Variants in PRKCI observed in about 807,000 individuals in gnomAD.
PRKCI encodes the protein protein kinase C iota.
PRKCI carries 43 observed loss-of-function variants against 84.0 expected under a neutral mutation model. The ratio of observed to expected loss-of-function variants is 0.51; its 90% CI spans 0.40 to 0.66. The LOEUF (loss-of-function observed/expected upper bound fraction) is 0.66. PRKCI is among the 30% of genes least tolerant of loss of function. The pLI is 0.00. For missense variants in PRKCI, 459 were observed against 745.6 expected, an observed-to-expected ratio of 0.62 and a Z score of 4.48; for synonymous variants, 216 against 234.4, an observed-to-expected ratio of 0.92 and a Z score of 0.72.
At chr3:170,235,520 C>CT (rs996654042) in intron 2 of PRKCI, among the ~76,000 whole-genome samples, 169 bp downstream of exon 2, 2 of 147,384 alleles carry the variant, frequency 1.4e-5, no homozygotes, top group Non-Finnish European at 3.0e-5. Flanking sequence ...AGAGCACAAT[C>CT]TTTTTTTTGC....
In PRKCI at chr3:170,263,444, A is replaced by G; in HGVS notation, c.364+15A>G. ...AGGAGAAGATAGTGAGTGTTTATATACTTCATACCTTTTACAAGAGTTACT... is the reference window on the plus strand; with the variant it reads ...AGGAGAAGATAGTGAGTGTTTATATGCTTCATACCTTTTACAAGAGTTACT... On this transcript the variant is annotated intron_variant, in intron 4 of 17. Transcript: ENST00000295797. 6.4e-7 allele frequency: 1 copy of G among 1,563,756 alleles called. No homozygotes were observed. The highest frequency in any genetic ancestry group is 8.8e-7 in the Non-Finnish European group (1 of 1,135,516).
Position 170,280,344 on chromosome 3 carries a change from A to G in PRKCI, c.823A>G (p.Lys275Glu). 6.2e-7 allele frequency: 1 copy of G among 1,614,126 alleles called. No individual in the cohort carries two copies. Among genetic ancestry groups the G allele is most frequent in the Non-Finnish European group, 8.5e-7 (1 of 1,179,978 alleles). Reference sequence around the variant, plus strand: ...CAAAGTACTGTTGGTTCGATTAAAAAAAACAGATCGTATTTATGCAATGAA... The same window carrying G: ...CAAAGTACTGTTGGTTCGATTAAAAGAAACAGATCGTATTTATGCAATGAA... ...YAKVLLVRLK[K>E]TDRIYAMKVV... is the part of the protein sequence containing the mutation. Residue 275 changes from lysine to glutamate, a missense_variant, in exon 9 of 18, where the codon AAA (lysine) becomes GAA (glutamate). This residue lies in a region of PRKCI where 209 missense variants were observed against 425.9 expected (regional missense o/e 0.49). Transcript: ENST00000295797.
chr3:170,227,367 T>C (rs1342112003), intron 1 of PRKCI, among the ~76,000 whole-genome samples: 1 of 152,202 alleles, frequency 6.6e-6, no homozygotes, highest in South Asian at 2.1e-4. Context: ...GCTCTGCCTT[T>C]AAGGAATTAA....
intron 17 of PRKCI, 149 bp downstream of exon 17, chr3:170,299,259 C>T (rs1734764572): frequency 2.5e-6 from 1 of 399,840 alleles, no homozygotes; most frequent in Admixed American, 4.4e-5. Context: ...TGGAGTCTCG[C>T]TCTGTTGCCC....
chr3:170,285,997 T>G (rs550624482), intron 12 of PRKCI, among the ~76,000 whole-genome samples: 43 of 151,826 alleles, frequency 2.8e-4, no homozygotes, highest in Admixed American at 5.9e-4. Context: ...CAATCTCGGC[T>G]CACTGCAACC....
intron 16 of PRKCI, among the ~76,000 whole-genome samples, chr3:170,298,554 T>C (rs57687801): frequency 0.084 from 12,814 of 151,874 alleles, 1,148 homozygotes; most frequent in African/African-American, 0.22. Context: ...TACAGGTGTG[T>C]GCCACCACAC....
At chr3:170,247,730 C>CAAAAAAAAAAAAAA (rs72411481) in intron 2 of PRKCI, among the ~76,000 whole-genome samples, 1 of 27,906 alleles carries the variant, frequency 3.6e-5, no homozygotes, top group African/African-American at 1.4e-4. Flanking sequence ...AACTCTGTCT[C>CAAAAAAAAAAAAAA]AAAAAAAAAA....
chr3:170,249,352 T>C (rs920735632), intron 2 of PRKCI, among the ~76,000 whole-genome samples: 2 of 152,030 alleles, frequency 1.3e-5, no homozygotes, highest in African/African-American at 4.8e-5. Context: ...GCCAGGATGC[T>C]TATAAAACAC....
rs1185983927 is a variant in PRKCI, at chr3:170,303,404, G to GT, written c.*280dup. ...GATGAGTAATGAAGTTATCTTTTTT[G>GT]TTTAAAAAAAAAAAAAACACTGCAT... On this transcript the variant is annotated 3_prime_UTR_variant, in exon 18 of 18. Coordinates refer to ENST00000295797, the MANE Select transcript of PRKCI (RefSeq NM_002740.6). 12 of 211,884 alleles carry GT rather than the reference G, an allele frequency of 5.7e-5. No individual in the cohort carries two copies. Among genetic ancestry groups the GT allele is most frequent in the African/African-American group, 2.8e-4 (8 of 28,422 alleles). 13.1% of individuals were successfully genotyped at this position (211,884 alleles called of 1,614,324 possible). A position where few individuals can be genotyped will look rare whatever the true frequency, so the allele number is the denominator to read the frequency against.
At chr3:170,252,687 C>T (rs575376594) in intron 2 of PRKCI, among the ~76,000 whole-genome samples, 2 of 151,982 alleles carry the variant, frequency 1.3e-5, no homozygotes, top group Admixed American at 1.3e-4. Context: ...CAGCCTTGAC[C>T]TCCCATGCTC....
chr3:170,277,896 TTTTG>T (rs1269203001), intron 8 of PRKCI, among the ~76,000 whole-genome samples: 1 of 152,148 alleles, frequency 6.6e-6, no homozygotes, highest in Non-Finnish European at 1.5e-5. Flanking sequence ...ATTTTACCCT[TTTTG>T]TTTTTCTTTC....
intron 2 of PRKCI, among the ~76,000 whole-genome samples, chr3:170,254,640 A>G (rs1327925818): frequency 2.6e-5 from 4 of 152,016 alleles, no homozygotes; most frequent in African/African-American, 7.2e-5. Context: ...CTCTAGATGT[A>G]TGGATTTATT....
chr3:170,222,532 G>T lies in PRKCI; in HGVS notation c.-138G>T. On this transcript the variant is annotated 5_prime_UTR_variant, in exon 1 of 18. Transcript: ENST00000295797. ...CTCCGGCGAGGCGACCCTTGGGTCGGCGCTGCGGGCGAGGTGGGCAGGTAG... is the reference window on the plus strand; with the variant it reads ...CTCCGGCGAGGCGACCCTTGGGTCGTCGCTGCGGGCGAGGTGGGCAGGTAG... 1.4e-6 allele frequency: 1 copy of T among 715,372 alleles called. No homozygotes were observed. The allele number at this position is 715,372 out of a possible 1,614,324, so 44.3% of individuals were successfully genotyped here.
chr3:170,288,486 C>T (rs1177910676), intron 12 of PRKCI, among the ~76,000 whole-genome samples: 3 of 152,142 alleles, frequency 2.0e-5, no homozygotes, highest in South Asian at 2.1e-4. Context: ...CAGTGGCTCA[C>T]GCCTATAATT....
intron 1 of PRKCI, among the ~76,000 whole-genome samples, chr3:170,229,087 T>A (rs146566228): frequency 6.6e-6 from 1 of 152,294 alleles, no homozygotes; most frequent in African/African-American, 2.4e-5. Flanking sequence ...TCCCACTTTC[T>A]AGAGATAGCC....
chr3:170,274,768 C>T (rs1734075830), intron 7 of PRKCI, among the ~76,000 whole-genome samples: 1 of 151,846 alleles, frequency 6.6e-6, no homozygotes. Flanking sequence ...CCATCCTTGT[C>T]TGTTCTTTAC....
At chr3:170,274,569 A>G (rs6773605) in intron 7 of PRKCI, among the ~76,000 whole-genome samples, 12,338 of 152,262 alleles carry the variant, frequency 0.081, 1,201 homozygotes, top group African/African-American at 0.23. Flanking sequence ...TTAAACACGT[A>G]TCTGGGAAAT....
intron 8 of PRKCI, among the ~76,000 whole-genome samples, chr3:170,275,655 GT>G (rs1029028278): frequency 2.0e-5 from 3 of 151,804 alleles, no homozygotes; most frequent in African/African-American, 4.8e-5. Flanking sequence ...AACTGTCATT[GT>G]TTTTTTGACT....
In PRKCI at chr3:170,305,924, AC is replaced by A. The variant is rs1734949848; in HGVS notation, c.*2799del. 2 of 142,772 alleles carry A rather than the reference AC, an allele frequency of 1.4e-5. No individual in the cohort carries two copies. The highest frequency in any genetic ancestry group is 3.0e-5 in the Non-Finnish European group (2 of 65,854). The allele number at this position is 142,772 out of a possible 1,614,324, so 8.8% of individuals were successfully genotyped here. ...TCATCATAATGTAATCTATTTCTGT[AC>A]CTTTTTTTTTTTTTTTTACTTTGAA... On this transcript the variant is annotated 3_prime_UTR_variant, in exon 18 of 18. Coordinates refer to ENST00000295797, the MANE Select transcript of PRKCI (RefSeq NM_002740.6).
Sources: gnomAD v4.1 joint callset for allele counts (sites outside exome capture counted in the v4.1 genomes callset) on GRCh38, gnomAD v4.1.1 for gene constraint, gnomAD v4.1.1 regional missense constraint, MANE v1.5 for transcripts, NCBI Gene and HGNC (gene_info 2026-07-23, HGNC 2026-07-21) for gene names.